Variants in DDX23 observed in about 807,000 individuals in gnomAD.
DDX23 encodes the protein probable ATP-dependent RNA helicase DDX23.
DDX23 carries 33 observed loss-of-function variants against 102.7 expected under a neutral mutation model. That is an observed-to-expected ratio of 0.32 (90% CI 0.24 to 0.43). The LOEUF (loss-of-function observed/expected upper bound fraction) is 0.43. Ranked by LOEUF, DDX23 falls within the 20% of genes least tolerant of loss-of-function variation. The pLI, the probability that DDX23 is intolerant of heterozygous loss-of-function variation, is 1.00. For synonymous variants in DDX23, 352 were observed against 376.0 expected, an observed-to-expected ratio of 0.94 and a Z score of 0.74; for missense variants, 549 against 1,086.6, an observed-to-expected ratio of 0.51 and a Z score of 6.96.
At chr12:48,835,173 C>A in intron 11 of DDX23, 1 of 269,490 alleles carries the variant, frequency 3.7e-6, no homozygotes, top group South Asian at 3.4e-5. Flanking sequence ...GCCTGGGAGG[C>A]AACGGTTGCT....
intron 3 of DDX23, among the ~76,000 whole-genome samples, chr12:48,842,222 G>A (rs1938570457): frequency 6.6e-6 from 1 of 151,200 alleles, no homozygotes; most frequent in South Asian, 2.1e-4. Context: ...CAGGAGGGAG[G>A]TGGGGGGGTC....
At chr12:48,839,558 C>CAA (rs35663911) in intron 5 of DDX23, 134 of 73,066 alleles carry the variant, frequency 1.8e-3, no homozygotes, top group South Asian at 6.6e-3. Context: ...GACTCTGTCT[C>CAA]AAAAAAAAAA....
chr12:48,841,240 G>C (rs1057151629), intron 3 of DDX23, among the ~76,000 whole-genome samples: 1 of 152,138 alleles, frequency 6.6e-6, no homozygotes, highest in Non-Finnish European at 1.5e-5. Context: ...ACAAAAATTA[G>C]CCAGGCATGG....
chr12:48,842,180 G>A (rs1189824113), intron 3 of DDX23, among the ~76,000 whole-genome samples: 3 of 117,034 alleles, frequency 2.6e-5, no homozygotes, highest in Non-Finnish European at 3.8e-5. Flanking sequence ...AGGTGGGGGG[G>A]GTTAGCTCCC....
At chr12:48,835,873 A>C (rs1938462320) in intron 11 of DDX23, among the ~76,000 whole-genome samples, 1 of 152,212 alleles carries the variant, frequency 6.6e-6, no homozygotes, top group Non-Finnish European at 1.5e-5. Context: ...CCTGGGTGAC[A>C]GAGTGAGACT....
intron 3 of DDX23, among the ~76,000 whole-genome samples, chr12:48,842,173 TG>T (rs1442788341): frequency 3.6e-4 from 24 of 65,998 alleles, no homozygotes; most frequent in South Asian, 4.9e-4. Context: ...GGGAGGGAGG[TG>T]GGGGGGGTTA....
In DDX23 at chr12:48,844,034, C is replaced by G. The variant is rs1299354062; in HGVS notation, c.226G>C (p.Glu76Gln). 2.5e-6 allele frequency: 4 copies of G among 1,614,122 alleles called. No individual in the cohort carries two copies. In the East Asian group the frequency reaches 6.7e-5, roughly 27 times the overall value. Residue 76 changes from glutamate (E) to glutamine (Q), a missense_variant, in exon 3 of 17, where the codon GAA (glutamate) becomes CAA (glutamine). Around this residue, in one of 4 missense-constraint regions of DDX23, gnomAD observed 241 missense variants for 267.0 expected, o/e 0.90. Coordinates refer to ENST00000308025, the MANE Select transcript of DDX23 (RefSeq NM_004818.3). ...TCCCGCTCCTTATCTCGTTCTCGTT[C>G]TTTGTGCCGTCGTTCTCTGGAAGAC... ...KSAERERRHK[E>Q]RERDKERDRN...
Position 48,830,825 on chromosome 12 carries a change from T to C in DDX23, c.2240-133A>G. The C allele has an allele frequency of 1.0e-6, 1 of 972,840 alleles. No homozygotes were observed. Among genetic ancestry groups the C allele is most frequent in the Non-Finnish European group, 1.5e-6 (1 of 668,080 alleles). The allele number at this position is 972,840 out of a possible 1,614,324, so 60.3% of individuals were successfully genotyped here. A position where few individuals can be genotyped will look rare whatever the true frequency, so the allele number is the denominator to read the frequency against. ...GAATACAGCACATGCTGCCTGAACC[T>C]GAGGCGCCCACAGTGCCCTCTCCAG... On this transcript the variant is annotated intron_variant, in intron 16 of 16. Transcript: ENST00000308025. This position sits in a 1 kb window ranked among gnomAD's most constrained non-coding sequence, Gnocchi z 4.9.
intron 3 of DDX23, among the ~76,000 whole-genome samples, chr12:48,841,904 GTC>G (rs1938558450): frequency 6.6e-6 from 1 of 150,814 alleles, no homozygotes; most frequent in Non-Finnish European, 1.5e-5. Flanking sequence ...AGTGAGGAGC[GTC>G]TCTGCCAGGC....
chr12:48,837,208 C>T (rs976960536), intron 8 of DDX23, 73 bp downstream of exon 8: 5 of 1,561,580 alleles, frequency 3.2e-6, no homozygotes, highest in African/African-American at 1.4e-5. Flanking sequence ...TTACTTCCTC[C>T]ACCTCCGTAG....
intron 11 of DDX23, 127 bp from the exon 12 acceptor site, chr12:48,834,624 A>G: frequency 1.1e-6 from 1 of 892,106 alleles, no homozygotes; most frequent in Non-Finnish European, 1.7e-6. Flanking sequence ...AAAGAATGCA[A>G]TGATCTCACT....
chr12:48,836,759 T>C lies in DDX23; in HGVS notation c.1046A>G (p.Lys349Arg). ...CCAATGACGATCATCCCAGCGCTGCTTGGCTTCCTTCTTACGAAGTTTGCG... is the reference window on the plus strand; with the variant it reads ...CCAATGACGATCATCCCAGCGCTGCCTGGCTTCCTTCTTACGAAGTTTGCG... ...RLRKLRKKEA[K>R]QRWDDRHWSQ... Residue 349 changes from lysine (K) to arginine (R), a missense_variant, in exon 10 of 17, where the codon AAG (lysine) becomes AGG (arginine). Lys to Arg is a conservative substitution (Grantham distance 26, BLOSUM62 2). Coordinates refer to ENST00000308025, the MANE Select transcript of DDX23 (RefSeq NM_004818.3). This position sits in a 1 kb window ranked among gnomAD's most constrained non-coding sequence, Gnocchi z 6.1. 1 of 1,614,204 alleles carries C rather than the reference T, an allele frequency of 6.2e-7. No homozygotes were observed.
chr12:48,834,384 G>C lies in DDX23; in HGVS notation c.1496C>G (p.Thr499Ser). Residue 499 changes from threonine to serine, a missense_variant, in exon 12 of 17, where the codon ACT becomes AGT. This residue lies in a region of DDX23 where 270 missense variants were observed against 707.0 expected (regional missense o/e 0.38). Coordinates refer to ENST00000308025, the MANE Select transcript of DDX23 (RefSeq NM_004818.3). Reference protein sequence around the residue: ...IKFGKPLGIRTVAVIGGISRE... With the variant: ...IKFGKPLGIRSVAVIGGISRE... ...GGAGATGCCACCAATGACAGCCACA[G>C]TGCGGATACCTAGCGGTTTCCCAAA... 1 of 1,614,172 alleles carries C rather than the reference G, an allele frequency of 6.2e-7. No individual in the cohort carries two copies. The highest frequency in any genetic ancestry group is 1.3e-5 in the African/African-American group (1 of 75,032).
At chr12:48,840,923 A>G (rs1393709648) in intron 3 of DDX23, among the ~76,000 whole-genome samples, 2 of 152,038 alleles carry the variant, frequency 1.3e-5, no homozygotes, top group African/African-American at 2.4e-5. Flanking sequence ...AGATACTGCT[A>G]TCTATATTCC....
chr12:48,851,679 G>A (rs977303392), intron 1 of DDX23, among the ~76,000 whole-genome samples: 5 of 152,192 alleles, frequency 3.3e-5, no homozygotes, highest in Non-Finnish European at 7.3e-5. Context: ...AATTAAGGAC[G>A]CGGAAAAGAA....
rs1565676247 is a variant in DDX23 at position 48,836,553 on chromosome 12, A to G, written c.1236+16T>C. 5 of 1,609,724 alleles carry G rather than the reference A, an allele frequency of 3.1e-6. No individual in the cohort carries two copies. Among genetic ancestry groups the G allele is most frequent in the Non-Finnish European group, 4.2e-6 (5 of 1,177,446 alleles). On this transcript the variant is annotated intron_variant, in intron 10 of 16. Transcript: ENST00000308025. The surrounding 1 kb of genome is among the most constrained non-coding windows in gnomAD (Gnocchi z 6.1). ...GGAACATGTCAGATCTCTTGGGCCA[A>G]TCTATCCCTCCTTACCTTGTAGCCA...
chr12:48,834,555 G>C (rs1938437465), intron 11 of DDX23, 58 bp from the exon 12 acceptor site: 1 of 1,533,488 alleles, frequency 6.5e-7, no homozygotes, highest in African/African-American at 1.4e-5. Flanking sequence ...CCAACCACAA[G>C]CCAGAGCAAG....
In DDX23 at chr12:48,834,304, A is replaced by G. The variant is rs377443441; in HGVS notation, c.1560+16T>C. On this transcript the variant is annotated intron_variant, in intron 12 of 16. Transcript: ENST00000308025. Reference sequence around the variant, plus strand: ...CTTCCCAGACAGCAGGCTGGCTGCTAGATAGAAAAACAAACCTCACAACCC... The same window carrying G: ...CTTCCCAGACAGCAGGCTGGCTGCTGGATAGAAAAACAAACCTCACAACCC... 6.3e-7 allele frequency: 1 copy of G among 1,596,242 alleles called. No homozygotes were observed. The highest frequency in any genetic ancestry group is 1.3e-5 in the African/African-American group (1 of 74,452).
intron 15 of DDX23, among the ~76,000 whole-genome samples, chr12:48,831,583 G>A (rs1038174102): frequency 6.6e-6 from 1 of 152,116 alleles, no homozygotes; most frequent in East Asian, 1.9e-4. Context: ...CCAGACAGAT[G>A]AAAAGTCCTC....
Sources: gnomAD v4.1 joint callset for allele counts (sites outside exome capture counted in the v4.1 genomes callset) on GRCh38, gnomAD v4.1.1 for gene constraint, gnomAD v4.1.1 regional missense constraint, Gnocchi (gnomAD v3.1) non-coding constraint, MANE v1.5 for transcripts, NCBI Gene and HGNC (gene_info 2026-07-23, HGNC 2026-07-21) for gene names.